NYAP2: variants seen among roughly 807,000 people sequenced by gnomAD.
NYAP2 encodes neuronal tyrosine-phosphorylated phosphoinositide-3-kinase adaptor 2.
NYAP2 carries 23 observed loss-of-function variants against 50.4 expected under a neutral mutation model. That is an observed-to-expected ratio of 0.46 (90% CI 0.33 to 0.65). The LOEUF (loss-of-function observed/expected upper bound fraction) is 0.65, where lower values mean the gene tolerates loss of function less well. NYAP2 is among the 30% of genes least tolerant of loss of function. The probability of loss-of-function intolerance (pLI) is 0.02; values close to 1 mark genes in which losing one functional copy is unlikely to be tolerated. For missense variants in NYAP2, 885 were observed against 861.0 expected (o/e 1.03, Z -0.35); for synonymous variants, 394 against 365.2 (o/e 1.08, Z -0.90).
At chr2:225,534,799 T>C (rs900874575) in intron 4 of NYAP2, among the ~76,000 whole-genome samples, 2 of 152,118 alleles carry the variant, frequency 1.3e-5, no homozygotes, top group Non-Finnish European at 2.9e-5. Flanking sequence ...CTGCAAATAA[T>C]ACAAGAATAG....
chr2:225,554,559 T>A (rs1691740933), intron 4 of NYAP2, among the ~76,000 whole-genome samples: 1 of 151,970 alleles, frequency 6.6e-6, no homozygotes. Flanking sequence ...CCTGACCTCA[T>A]GATCTGCCTG....
intron 5 of NYAP2, among the ~76,000 whole-genome samples, chr2:225,605,513 C>G (rs1436179871): frequency 6.6e-6 from 1 of 152,060 alleles, no homozygotes; most frequent in Non-Finnish European, 1.5e-5. Context: ...ATTTATAGAG[C>G]AGCCTAGCTG....
At chr2:225,409,574 G>A (rs1694998631) in intron 3 of NYAP2, among the ~76,000 whole-genome samples, 2 of 151,920 alleles carry the variant, frequency 1.3e-5, no homozygotes, top group African/African-American at 4.8e-5. Context: ...AATCCTCAGG[G>A]TGTGCTCTCC....
chr2:225,646,623 T>C (rs933733500), intron 6 of NYAP2, among the ~76,000 whole-genome samples: 2 of 152,236 alleles, frequency 1.3e-5, no homozygotes. Flanking sequence ...TGTCTGTGTG[T>C]ATCTGCCAGT....
At chr2:225,598,481 T>C (rs1692643998) in intron 5 of NYAP2, among the ~76,000 whole-genome samples, 1 of 152,128 alleles carries the variant, frequency 6.6e-6, no homozygotes, top group African/African-American at 2.4e-5. Flanking sequence ...ATTTGTGAAG[T>C]GTTGTTTCTA....
chr2:225,504,751 T>C (rs1690672668), intron 3 of NYAP2, among the ~76,000 whole-genome samples: 1 of 152,122 alleles, frequency 6.6e-6, no homozygotes, highest in Non-Finnish European at 1.5e-5. Context: ...GGCTCATGCC[T>C]GTAACCCCAG....
intron 4 of NYAP2, among the ~76,000 whole-genome samples, chr2:225,531,419 A>G (rs573755445): frequency 5.9e-5 from 9 of 152,216 alleles, no homozygotes; most frequent in African/African-American, 1.2e-4. Context: ...TACTTTGTGT[A>G]CAATGCCATT....
chr2:225,524,310 A>C (rs1691116349), intron 4 of NYAP2, among the ~76,000 whole-genome samples: 1 of 152,196 alleles, frequency 6.6e-6, no homozygotes, highest in African/African-American at 2.4e-5. Flanking sequence ...AAAGCATCTA[A>C]CATGGGAGAA....
chr2:225,518,469 C>T (rs1690974505), intron 4 of NYAP2, among the ~76,000 whole-genome samples: 1 of 138,838 alleles, frequency 7.2e-6, no homozygotes, highest in Non-Finnish European at 1.5e-5. Context: ...TTGTATTGAG[C>T]ATCCTTAAGA....
At chr2:225,463,400 A>G (rs1390393817) in intron 3 of NYAP2, among the ~76,000 whole-genome samples, 1 of 152,270 alleles carries the variant, frequency 6.6e-6, no homozygotes, top group Non-Finnish European at 1.5e-5. Context: ...TCGTATTTGT[A>G]ACACTCATGT....
At chr2:225,622,557 CTTTTTCTTTCTTTCTT>C (rs1413003016) in intron 5 of NYAP2, among the ~76,000 whole-genome samples, 1 of 48,664 alleles carries the variant, frequency 2.1e-5, no homozygotes, top group Non-Finnish European at 3.9e-5. Flanking sequence ...TTCTTTCTTT[CTTTTTCTTTCTTTCTT>C]TCTTTCTTCT....
intron 3 of NYAP2, among the ~76,000 whole-genome samples, chr2:225,445,415 A>G (rs1174564899): frequency 6.6e-6 from 1 of 151,916 alleles, no homozygotes; most frequent in Admixed American, 6.6e-5. Context: ...ACCCACTAAT[A>G]TTTCTGATGC....
chr2:225,617,680 C>T (rs1326641243), intron 5 of NYAP2, among the ~76,000 whole-genome samples: 2 of 152,058 alleles, frequency 1.3e-5, no homozygotes, highest in Admixed American at 1.3e-4. Flanking sequence ...CTATTAATAA[C>T]AAGTGGTAAT....
the NYAP2 span, among the ~76,000 whole-genome samples, chr2:225,664,553 G>A: frequency 5.9e-5 from 9 of 152,130 alleles, no homozygotes; most frequent in Non-Finnish European, 1.0e-4. Context: ...TACTGAGGAT[G>A]AGAGAGAAAA....
At chr2:225,476,898 T>C (rs1421089556) in intron 3 of NYAP2, among the ~76,000 whole-genome samples, 1 of 152,214 alleles carries the variant, frequency 6.6e-6, no homozygotes, top group Admixed American at 6.5e-5. Flanking sequence ...ATTGTGAATT[T>C]GTATAATTGA....
intron 3 of NYAP2, among the ~76,000 whole-genome samples, chr2:225,494,140 C>A (rs1004820931): frequency 1.3e-5 from 2 of 152,226 alleles, no homozygotes; most frequent in Admixed American, 6.5e-5. Flanking sequence ...GCATTAAGAG[C>A]TCTTAAGAAG....
intron 4 of NYAP2, among the ~76,000 whole-genome samples, chr2:225,514,921 A>T (rs1406201588): frequency 6.6e-6 from 1 of 152,146 alleles, no homozygotes; most frequent in East Asian, 1.9e-4. Flanking sequence ...GTTCATTGTG[A>T]CATGGGCTCC....
At chr2:225,418,921 A>G (rs935606824) in intron 3 of NYAP2, among the ~76,000 whole-genome samples, 2 of 152,180 alleles carry the variant, frequency 1.3e-5, no homozygotes, top group Non-Finnish European at 2.9e-5. Context: ...CTATTCTCCT[A>G]ACAAATTTTT....
chr2:225,408,868 T>C lies in NYAP2; in HGVS notation c.-13T>C, dbSNP rs140153531. On this transcript the variant is annotated 5_prime_UTR_variant, in exon 3 of 7. Transcript: ENST00000636099. ...AAATGTGTTCTCACCCTGCAGGCAG[T>C]GTTCCTCTTTACATGATATCCTCCA... The C allele has an allele frequency of 1.2e-4, 180 of 1,561,734 alleles. 1 individual carries two copies. The African/African-American group carries it at 2.0e-3, about 17-fold the overall frequency.
Sources: gnomAD v4.1 joint callset for allele counts (sites outside exome capture counted in the v4.1 genomes callset) on GRCh38, gnomAD v4.1.1 for gene constraint, MANE v1.5 for transcripts, NCBI Gene and HGNC (gene_info 2026-07-23, HGNC 2026-07-21) for gene names.